The following VAC14 variants were observed in gnomAD, a reference collection of about 807,000 sequenced individuals.
The protein encoded by VAC14 is VAC14 component of PIKFYVE complex.
Under a neutral mutation model 85.3 loss-of-function variants are expected in VAC14, and 47 were observed. The observed-to-expected ratio is 0.55, with a 90% confidence interval of 0.44 to 0.70. VAC14 has a LOEUF of 0.70. Ranked by LOEUF, VAC14 falls within the 30% of genes least tolerant of loss-of-function variation. The pLI is 0.00. For synonymous variants in VAC14, 447 were observed against 430.5 expected (o/e 1.04, Z -0.47); for missense variants, 861 against 1,004.3 (o/e 0.86, Z 1.93).
At chr16:70,780,123 T>G (rs2033737143) in intron 9 of VAC14, among the ~76,000 whole-genome samples, 1 of 151,744 alleles carries the variant, frequency 6.6e-6, no homozygotes, top group Non-Finnish European at 1.5e-5. Flanking sequence ...CCCAAAGTGC[T>G]GGGATTACCC....
In VAC14 at chr16:70,692,849, C is replaced by A. The variant is rs761901472; in HGVS notation, c.2158G>T (p.Val720Leu). 2 of 1,602,570 alleles carry A rather than the reference C, an allele frequency of 1.2e-6. No individual in the cohort carries two copies. Among genetic ancestry groups the A allele is most frequent in the Non-Finnish European group, 1.7e-6 (2 of 1,176,506 alleles). The change falls in exon 18 of 19, where the codon GTG (valine) becomes TTG (leucine). Residue 720 changes from valine (V) to leucine (L), a missense_variant. Physicochemically the swap from Val to Leu is conservative, Grantham distance 32 (BLOSUM62 1). Coordinates refer to ENST00000261776, the MANE Select transcript of VAC14 (RefSeq NM_018052.5). ...GTCTGCAGCAGCTCAGGGTTGGGCA[C>A]GCACTGGAGCCGGTGCGAGAGCAGC... is the stretch of plus-strand genomic sequence containing the variant. The part of the protein sequence containing the change: ...FQLLSHRLQC[V>L]PNPELLQTED...
At chr16:70,710,057 G>A (rs898198098) in intron 14 of VAC14, among the ~76,000 whole-genome samples, 14 of 152,194 alleles carry the variant, frequency 9.2e-5, no homozygotes, top group South Asian at 6.2e-4. Context: ...GGCCGCCACC[G>A]CCTGGCACGC....
chr16:70,713,313 A>G lies in VAC14; in HGVS notation c.1662-14502T>C, dbSNP rs555119582. ...GCTACCGTGCGCGAACAGCCTGGCT[A>G]TGACGGGCGCGCTGCAGCCACCAGC... On this transcript the variant is annotated intron_variant, in intron 14 of 18. Coordinates refer to ENST00000261776, the MANE Select transcript of VAC14 (RefSeq NM_018052.5). Among the ~76,000 whole-genome samples the G allele has an allele frequency of 1.6e-4, 24 of 152,348 alleles. No homozygotes were observed. In the East Asian group the frequency reaches 3.7e-3, roughly 23 times the overall value.
intron 10 of VAC14, 126 bp from the exon 11 acceptor site, chr16:70,763,151 C>G: frequency 1.4e-6 from 2 of 1,390,800 alleles, no homozygotes; most frequent in Non-Finnish European, 2.0e-6. Context: ...CTAGGGGGAT[C>G]GGGGGTCAGG....
At chr16:70,691,641 C>T (rs896945630) in intron 18 of VAC14, 1 of 985,372 alleles carries the variant, frequency 1.0e-6, no homozygotes, top group Non-Finnish European at 1.2e-6. Flanking sequence ...CCTAGTCCTG[C>T]CACTGCAGGG....
chr16:70,785,635 T>C (rs2034012755), intron 3 of VAC14, 67 bp downstream of exon 3: 2 of 1,485,312 alleles, frequency 1.3e-6, no homozygotes, highest in African/African-American at 2.8e-5. Context: ...GGTCCAAGGT[T>C]CCAGAAGGTC....
At chr16:70,689,974 AG>A (rs1347354823) in intron 18 of VAC14, 1 of 985,376 alleles carries the variant, frequency 1.0e-6, no homozygotes, top group African/African-American at 1.7e-5. Flanking sequence ...GTGACCCTAA[AG>A]TGTGTCTTCT....
intron 1 of VAC14, among the ~76,000 whole-genome samples, chr16:70,794,207 G>C (rs1270159357): frequency 6.6e-6 from 1 of 152,100 alleles, no homozygotes; most frequent in African/African-American, 2.4e-5. Context: ...TATTCACGAA[G>C]CTGTGCAACC....
intron 1 of VAC14, among the ~76,000 whole-genome samples, chr16:70,800,574 T>C (rs1360020595): frequency 6.6e-6 from 1 of 152,128 alleles, no homozygotes; most frequent in Non-Finnish European, 1.5e-5. Context: ...CTGCAGCCCT[T>C]TGTGGCACCG....
chr16:70,748,725 T>C (rs943752086), intron 12 of VAC14, among the ~76,000 whole-genome samples: 1 of 152,118 alleles, frequency 6.6e-6, no homozygotes, highest in African/African-American at 2.4e-5. Flanking sequence ...GGCAGGCAGA[T>C]CACCTGACGT....
chr16:70,760,962 GGTGTGTGTGTGTGT>G (rs10671938), intron 12 of VAC14, among the ~76,000 whole-genome samples: 606 of 47,588 alleles, frequency 0.013, 16 homozygotes, highest in African/African-American at 0.035. Flanking sequence ...ACGAAGAGAG[GGTGTGTGTGTGTGT>G]GTGTGTGTGT....
intron 12 of VAC14, among the ~76,000 whole-genome samples, chr16:70,745,993 G>C (rs2030856529): frequency 6.6e-6 from 1 of 152,200 alleles, no homozygotes; most frequent in Non-Finnish European, 1.5e-5. Context: ...GGTAATGGTT[G>C]CAAAAAGCTT....
chr16:70,784,303 T>G, intron 4 of VAC14, 83 bp from the exon 5 acceptor site: 1 of 1,176,822 alleles, frequency 8.5e-7, no homozygotes, highest in Non-Finnish European at 1.3e-6. Flanking sequence ...CAGGGCTGGC[T>G]CCAGCGCTCA....
chr16:70,789,881 G>A (rs1478418938), intron 1 of VAC14, among the ~76,000 whole-genome samples: 1 of 152,190 alleles, frequency 6.6e-6, no homozygotes, highest in African/African-American at 2.4e-5. Context: ...AGGAGTGGGA[G>A]TGGGGACATC....
At chr16:70,752,425 A>G (rs573317737) in intron 12 of VAC14, among the ~76,000 whole-genome samples, 19 of 152,300 alleles carry the variant, frequency 1.2e-4, no homozygotes, top group Non-Finnish European at 2.6e-4. Context: ...CCCTCCTTCC[A>G]GCTGATTCCA....
chr16:70,744,645 G>A, intron 12 of VAC14, 66 bp from the exon 13 acceptor site: 1 of 1,502,706 alleles, frequency 6.7e-7, no homozygotes, highest in East Asian at 2.4e-5. Flanking sequence ...CTGGGCAGAG[G>A]TGCGGTTGGT....
chr16:70,729,835 T>C (rs947300056), intron 14 of VAC14, among the ~76,000 whole-genome samples: 1 of 152,044 alleles, frequency 6.6e-6, no homozygotes, highest in African/African-American at 2.4e-5. Flanking sequence ...GTTGAATGAA[T>C]GAATGAATGA....
At chr16:70,738,774 C>G (rs970206418) in intron 13 of VAC14, among the ~76,000 whole-genome samples, 2 of 152,200 alleles carry the variant, frequency 1.3e-5, no homozygotes, top group Admixed American at 1.3e-4. Context: ...GCACCTGGTG[C>G]CAGGGATTCC....
chr16:70,784,649 A>G (rs2033965450), intron 4 of VAC14, 127 bp downstream of exon 4: 1 of 901,374 alleles, frequency 1.1e-6, no homozygotes, highest in Non-Finnish European at 1.8e-6. Flanking sequence ...CACACCAGGG[A>G]GTACATGTAA....
Sources: gnomAD v4.1 joint callset for allele counts (sites outside exome capture counted in the v4.1 genomes callset) on GRCh38, gnomAD v4.1.1 for gene constraint, MANE v1.5 for transcripts, NCBI Gene and HGNC (gene_info 2026-07-23, HGNC 2026-07-21) for gene names.